Variants in NXPH1 observed in about 807,000 individuals in gnomAD.
NXPH1 encodes the protein neurexophilin-1.
Under a neutral mutation model 23.7 loss-of-function variants are expected in NXPH1, and 5 were observed. The observed-to-expected ratio is 0.21, with a 90% CI of 0.11 to 0.44. NXPH1 has a LOEUF of 0.44. Among genes scored for constraint, NXPH1 ranks in the 20% least tolerant of loss-of-function variants. NXPH1 has a pLI of 0.99. For missense variants in NXPH1, 324 were observed against 321.6 expected (o/e 1.01, Z -0.06); for synonymous variants, 144 against 122.2 (o/e 1.18, Z -1.18).
chr7:8,702,039 G>GA (rs57766744), intron 2 of NXPH1, among the ~76,000 whole-genome samples: 171 of 142,856 alleles, frequency 1.2e-3, no homozygotes, highest in Middle Eastern at 3.7e-3. Context: ...CCCAATTAAA[G>GA]AAAAAAAAAA....
chr7:8,499,233 A>G (rs1817390691), intron 2 of NXPH1, among the ~76,000 whole-genome samples: 1 of 152,108 alleles, frequency 6.6e-6, no homozygotes, highest in Non-Finnish European at 1.5e-5. Context: ...ACTACAAAAA[A>G]GAACAGTTTG....
intron 2 of NXPH1, among the ~76,000 whole-genome samples, chr7:8,451,560 T>A (rs933118867): frequency 2.0e-5 from 3 of 152,248 alleles, no homozygotes; most frequent in African/African-American, 7.2e-5. Flanking sequence ...TCAAAAGCTT[T>A]TGGATTTTGT....
At chr7:8,612,111 G>A (rs1562425720) in intron 2 of NXPH1, among the ~76,000 whole-genome samples, 1 of 151,908 alleles carries the variant, frequency 6.6e-6, no homozygotes, top group Non-Finnish European at 1.5e-5. Flanking sequence ...CATGTTCAGT[G>A]TTTGAGTTCT....
chr7:8,499,391 A>G (rs1025013106), intron 2 of NXPH1, among the ~76,000 whole-genome samples: 6 of 152,036 alleles, frequency 3.9e-5, no homozygotes, highest in African/African-American at 1.4e-4. Context: ...ACTCAGCCAA[A>G]GACCAAGGCT....
At chr7:8,700,580 A>G (rs1448750121) in intron 2 of NXPH1, among the ~76,000 whole-genome samples, 1 of 152,156 alleles carries the variant, frequency 6.6e-6, no homozygotes, top group Non-Finnish European at 1.5e-5. Context: ...TCAATTAAAA[A>G]GTACTTTAAA....
intron 2 of NXPH1, among the ~76,000 whole-genome samples, chr7:8,465,339 C>T (rs1366255120): frequency 2.6e-5 from 4 of 152,266 alleles, no homozygotes; most frequent in East Asian, 3.9e-4. Flanking sequence ...GAATTTTCTA[C>T]TCGCTCCTCT....
At chr7:8,678,753 C>A (rs1228522473) in intron 2 of NXPH1, among the ~76,000 whole-genome samples, 1 of 151,504 alleles carries the variant, frequency 6.6e-6, no homozygotes, top group East Asian at 1.9e-4. Context: ...TTGTGGTCTG[C>A]ACATGAACTA....
intron 2 of NXPH1, among the ~76,000 whole-genome samples, chr7:8,452,586 C>A (rs1008024458): frequency 1.3e-5 from 2 of 152,048 alleles, no homozygotes; most frequent in Non-Finnish European, 2.9e-5. Context: ...TCAGATTATT[C>A]ATGGTGGGGA....
intron 2 of NXPH1, among the ~76,000 whole-genome samples, chr7:8,744,401 GTTT>G (rs762865187): frequency 6.6e-6 from 1 of 152,024 alleles, no homozygotes; most frequent in African/African-American, 2.4e-5. Flanking sequence ...ATATGCTTTG[GTTT>G]TTTGTTTGTT....
intron 2 of NXPH1, among the ~76,000 whole-genome samples, chr7:8,557,063 T>C (rs1818369097): frequency 6.6e-6 from 1 of 151,714 alleles, no homozygotes; most frequent in South Asian, 2.1e-4. Context: ...TCCTAGTCGA[T>C]GACTACATAG....
intron 2 of NXPH1, among the ~76,000 whole-genome samples, chr7:8,694,422 T>A (rs1821271519): frequency 6.6e-6 from 1 of 152,206 alleles, no homozygotes; most frequent in Non-Finnish European, 1.5e-5. Context: ...GATGACATTT[T>A]TTGGGAATGG....
chr7:8,545,255 A>G (rs762268788), intron 2 of NXPH1, among the ~76,000 whole-genome samples: 1 of 151,548 alleles, frequency 6.6e-6, no homozygotes, highest in Non-Finnish European at 1.5e-5. Context: ...CACTAGGACA[A>G]TTTCTACTCT....
chr7:8,455,777 T>C (rs10486223), intron 2 of NXPH1, among the ~76,000 whole-genome samples: 76,657 of 152,170 alleles, frequency 0.5, 19,851 homozygotes, highest in East Asian at 0.76. Flanking sequence ...CAATATCAGA[T>C]GCTGTTGGAG....
chr7:8,673,600 C>T (rs1428085732), intron 2 of NXPH1, among the ~76,000 whole-genome samples: 1 of 151,968 alleles, frequency 6.6e-6, no homozygotes, highest in African/African-American at 2.4e-5. Flanking sequence ...TCTAACTGCC[C>T]CATGCTTCAT....
At chr7:8,737,356 T>C (rs888050327) in intron 2 of NXPH1, among the ~76,000 whole-genome samples, 1 of 152,176 alleles carries the variant, frequency 6.6e-6, no homozygotes, top group Non-Finnish European at 1.5e-5. Context: ...CATTTGCTTG[T>C]CTGTAAAGGA....
chr7:8,570,650 G>T (rs1818626240), intron 2 of NXPH1, among the ~76,000 whole-genome samples: 1 of 151,868 alleles, frequency 6.6e-6, no homozygotes, highest in African/African-American at 2.4e-5. Context: ...GGAAGAAGGA[G>T]TTATGCAGGC....
intron 2 of NXPH1, among the ~76,000 whole-genome samples, chr7:8,741,765 T>C (rs1038158422): frequency 3.9e-5 from 6 of 152,258 alleles, no homozygotes; most frequent in Admixed American, 3.3e-4. Context: ...CTGAGTGCCA[T>C]GTGTCCCCCT....
chr7:8,526,115 T>C (rs539352468), intron 2 of NXPH1, among the ~76,000 whole-genome samples: 1 of 152,350 alleles, frequency 6.6e-6, no homozygotes, highest in African/African-American at 2.4e-5. Context: ...GGGGCAGAGC[T>C]GCCCAAGACC....
At chr7:8,634,499 C>G (rs890881095) in intron 2 of NXPH1, among the ~76,000 whole-genome samples, 1 of 151,940 alleles carries the variant, frequency 6.6e-6, no homozygotes, top group East Asian at 1.9e-4. Flanking sequence ...ACTAATACAC[C>G]TGGATAATGA....
Sources: gnomAD v4.1 joint callset for allele counts (sites outside exome capture counted in the v4.1 genomes callset) on GRCh38, gnomAD v4.1.1 for gene constraint, MANE v1.5 for transcripts, NCBI Gene and HGNC (gene_info 2026-07-23, HGNC 2026-07-21) for gene names.